The following PDE5A variants were observed in gnomAD, a reference collection of about 807,000 sequenced individuals.
PDE5A encodes cGMP-specific 3',5'-cyclic phosphodiesterase.
A neutral mutation model predicts 110.2 loss-of-function variants in PDE5A; 67 were observed. The ratio of observed to expected loss-of-function variants is 0.61; its 90% CI spans 0.50 to 0.75. The LOEUF is 0.75. PDE5A is among the 30% of genes least tolerant of loss of function. PDE5A has a pLI of 0.00. For missense variants in PDE5A, 862 were observed against 1,045.1 expected, an observed-to-expected ratio of 0.82 and a Z score of 2.42; for synonymous variants, 328 against 351.2, an observed-to-expected ratio of 0.93 and a Z score of 0.74.
chr4:119,593,915 T>C (rs537784464), intron 3 of PDE5A, among the ~76,000 whole-genome samples: 1 of 151,966 alleles, frequency 6.6e-6, no homozygotes, highest in African/African-American at 2.4e-5. Context: ...TGAGTACAAG[T>C]AGGGGAAATG....
chr4:119,547,078 G>T (rs1727154246), intron 9 of PDE5A, among the ~76,000 whole-genome samples: 4 of 125,302 alleles, frequency 3.2e-5, no homozygotes, highest in South Asian at 2.7e-4. Context: ...CCTTCTAATT[G>T]CTTTGGTTAG....
intron 11 of PDE5A, among the ~76,000 whole-genome samples, chr4:119,529,148 T>C (rs1209579099): frequency 6.6e-6 from 1 of 152,100 alleles, no homozygotes; most frequent in African/African-American, 2.4e-5. Flanking sequence ...GAAGTGTCTA[T>C]GTATTTGTCA....
At chr4:119,622,335 G>A (rs1730179593) in intron 1 of PDE5A, among the ~76,000 whole-genome samples, 1 of 152,130 alleles carries the variant, frequency 6.6e-6, no homozygotes, top group South Asian at 2.1e-4. Context: ...AAGTAGAGAA[G>A]ATAATTCTTA....
intron 1 of PDE5A, among the ~76,000 whole-genome samples, chr4:119,625,678 C>T (rs776909731): frequency 2.0e-5 from 3 of 151,862 alleles, no homozygotes; most frequent in Non-Finnish European, 2.9e-5. Context: ...TCATTTTACA[C>T]TTACAAAGTG....
intron 2 of PDE5A, among the ~76,000 whole-genome samples, chr4:119,597,830 G>C (rs920570181): frequency 6.6e-6 from 1 of 151,832 alleles, no homozygotes; most frequent in Admixed American, 6.6e-5. Context: ...CAACTGAGAG[G>C]GCCCAACTTA....
chr4:119,504,848 T>G (rs1186359109), intron 17 of PDE5A, among the ~76,000 whole-genome samples: 1 of 152,070 alleles, frequency 6.6e-6, no homozygotes, highest in African/African-American at 2.4e-5. Context: ...AGCTCCAGAT[T>G]GGCAGACTGA....
chr4:119,608,689 ACT>A (rs1480723210), intron 1 of PDE5A, among the ~76,000 whole-genome samples: 1 of 152,188 alleles, frequency 6.6e-6, no homozygotes, highest in Non-Finnish European at 1.5e-5. Context: ...AGTTGCTATA[ACT>A]GAGGATATTT....
chr4:119,625,626 G>A (rs1244123617), intron 1 of PDE5A, among the ~76,000 whole-genome samples: 2 of 151,960 alleles, frequency 1.3e-5, no homozygotes, highest in East Asian at 1.9e-4. Flanking sequence ...TGCATCTACA[G>A]AACTATTTTG....
At chr4:119,518,722 C>A (rs1726003234) in intron 14 of PDE5A, among the ~76,000 whole-genome samples, 1 of 152,130 alleles carries the variant, frequency 6.6e-6, no homozygotes, top group African/African-American at 2.4e-5. Context: ...ATCTTTTCTA[C>A]TGTAGGGTAA....
chr4:119,509,528 C>T (rs1203167783), intron 15 of PDE5A, among the ~76,000 whole-genome samples: 1 of 151,940 alleles, frequency 6.6e-6, no homozygotes, highest in Non-Finnish European at 1.5e-5. Flanking sequence ...ATGCACGAGC[C>T]AAAGGGAGGG....
At chr4:119,620,675 CAAT>C (rs557009178) in intron 1 of PDE5A, among the ~76,000 whole-genome samples, 40 of 152,186 alleles carry the variant, frequency 2.6e-4, no homozygotes, top group African/African-American at 9.4e-4. Context: ...TATATTTTCA[CAAT>C]AATCATAATC....
intron 1 of PDE5A, among the ~76,000 whole-genome samples, chr4:119,612,628 C>G (rs1729796668): frequency 1.3e-5 from 2 of 152,078 alleles, no homozygotes; most frequent in Admixed American, 1.3e-4. Context: ...GAAGAACAAC[C>G]TATTAGAGGG....
rs1248389671 is a variant in PDE5A, at chr4:119,627,819, G to T, written c.152+701C>A. ...GAAAGAGCTGGCCTCTGGGGTCTGC[G>T]CTGCCCCTTGGGGTCCGCTCCAGGC... On this transcript the variant is annotated intron_variant, in intron 1 of 20. Coordinates refer to ENST00000354960, the MANE Select transcript of PDE5A (RefSeq NM_001083.4). This position sits in a 1 kb window ranked among gnomAD's most constrained non-coding sequence, Gnocchi z 4.6. 6.6e-6 allele frequency among the ~76,000 whole-genome samples: 1 copy of T among 152,218 alleles called. No homozygotes were observed. The highest frequency in any genetic ancestry group is 1.5e-5 in the Non-Finnish European group (1 of 68,024).
intron 3 of PDE5A, among the ~76,000 whole-genome samples, chr4:119,590,369 T>C (rs1457793074): frequency 2.0e-5 from 3 of 152,154 alleles, no homozygotes; most frequent in Non-Finnish European, 4.4e-5. Flanking sequence ...TCATAGACAC[T>C]CTGGACTGGC....
chr4:119,517,499 C>CTT, intron 14 of PDE5A, among the ~76,000 whole-genome samples: 1 of 142,970 alleles, frequency 7.0e-6, no homozygotes, highest in Admixed American at 7.0e-5. Flanking sequence ...ACTGCTTTAA[C>CTT]TTTTTTTTTT....
intron 20 of PDE5A, 128 bp downstream of exon 20, chr4:119,501,042 A>G (rs1725304956): frequency 1.6e-6 from 1 of 609,770 alleles, no homozygotes; most frequent in African/African-American, 1.9e-5. Flanking sequence ...AAAAGAAACC[A>G]TACTGCTAAT....
Position 119,494,839 on chromosome 4 carries a change from G to A in PDE5A, c.*3762C>T, listed in dbSNP as rs2110443663. 1 of 152,568 alleles carries A rather than the reference G, an allele frequency of 6.6e-6. No individual in the cohort carries two copies. The highest frequency in any genetic ancestry group is 2.4e-5 in the African/African-American group (1 of 41,520). The allele number at this position is 152,568 out of a possible 1,614,324, so 9.5% of individuals were successfully genotyped here. ...CATTGCTTTCAACAACATTCATTAA[G>A]ACATGTTTACACAGGCTTTTAGTAA... On this transcript the variant is annotated 3_prime_UTR_variant, in exon 21 of 21. Coordinates refer to ENST00000354960, the MANE Select transcript of PDE5A (RefSeq NM_001083.4).
At chr4:119,501,362 G>A in intron 19 of PDE5A, 109 bp from the exon 20 acceptor site, 1 of 687,072 alleles carries the variant, frequency 1.5e-6, no homozygotes, top group Non-Finnish European at 2.5e-6. Flanking sequence ...CCAGGCTGGA[G>A]TGCAGTGGCA....
chr4:119,613,516 A>G (rs1300115309), intron 1 of PDE5A, among the ~76,000 whole-genome samples: 1 of 152,158 alleles, frequency 6.6e-6, no homozygotes, highest in East Asian at 1.9e-4. Flanking sequence ...TTGTGTTCAG[A>G]AGTTATATAC....
Sources: gnomAD v4.1 joint callset for allele counts (sites outside exome capture counted in the v4.1 genomes callset) on GRCh38, gnomAD v4.1.1 for gene constraint, Gnocchi (gnomAD v3.1) non-coding constraint, MANE v1.5 for transcripts, NCBI Gene and HGNC (gene_info 2026-07-23, HGNC 2026-07-21) for gene names.